The following PAK1 variants were observed in gnomAD, a reference collection of about 807,000 sequenced individuals.
PAK1 encodes serine/threonine-protein kinase PAK 1.
PAK1 carries 29 observed loss-of-function variants against 67.4 expected under a neutral mutation model. That is an observed-to-expected ratio of 0.43 (90% CI 0.32 to 0.59). The LOEUF is 0.59. PAK1 is among the 20% of genes least tolerant of loss of function. The pLI, the probability that PAK1 is intolerant of heterozygous loss-of-function variation, is 0.07. For synonymous variants in PAK1, 223 were observed against 237.4 expected, an observed-to-expected ratio of 0.94 and a Z score of 0.56; for missense variants, 337 against 670.7, an observed-to-expected ratio of 0.50 and a Z score of 5.50.
At chr11:77,356,768 G>GC (rs1040762271) in intron 6 of PAK1, among the ~76,000 whole-genome samples, 7 of 152,004 alleles carry the variant, frequency 4.6e-5, no homozygotes, top group Admixed American at 2.0e-4. Context: ...ACAAAATGCT[G>GC]CCCCAACCTC....
the PAK1 span, among the ~76,000 whole-genome samples, chr11:77,494,285 G>A: frequency 1.1e-3 from 162 of 152,296 alleles, no homozygotes; most frequent in Non-Finnish European, 1.9e-3. Context: ...ATACTATGCA[G>A]GCATTAAAGG....
chr11:77,368,664 AT>A (rs199502449), intron 5 of PAK1, among the ~76,000 whole-genome samples: 5 of 142,502 alleles, frequency 3.5e-5, no homozygotes, highest in Non-Finnish European at 7.9e-5. Flanking sequence ...TTTTTTATTT[AT>A]TTTTTTTTTG....
intron 1 of PAK1, among the ~76,000 whole-genome samples, chr11:77,426,269 AAGGTT>A (rs1379919484): frequency 1.3e-5 from 2 of 151,994 alleles, no homozygotes; most frequent in Non-Finnish European, 2.9e-5. Flanking sequence ...TCACAATATG[AAGGTT>A]ATATAAGATA....
At chr11:77,489,794 C>G in the PAK1 span, among the ~76,000 whole-genome samples, 1 of 151,962 alleles carries the variant, frequency 6.6e-6, no homozygotes, top group African/African-American at 2.4e-5. Context: ...GATCTCGGCT[C>G]GCTACAACCT....
the PAK1 span, among the ~76,000 whole-genome samples, chr11:77,513,187 A>C: frequency 6.6e-6 from 1 of 152,172 alleles, no homozygotes; most frequent in African/African-American, 2.4e-5. Flanking sequence ...GCTGAGTCAA[A>C]TCCTTTATGC....
At chr11:77,446,528 A>G (rs1956615450) in intron 1 of PAK1, among the ~76,000 whole-genome samples, 2 of 151,456 alleles carry the variant, frequency 1.3e-5, no homozygotes, top group South Asian at 4.2e-4. Context: ...AAAAAAAAAA[A>G]AAAAAAGAAA....
intron 5 of PAK1, among the ~76,000 whole-genome samples, chr11:77,367,512 C>T (rs1248052738): frequency 1.3e-5 from 2 of 151,762 alleles, no homozygotes; most frequent in East Asian, 1.9e-4. Flanking sequence ...AACAAGAATG[C>T]TATATATTTT....
the PAK1 span, among the ~76,000 whole-genome samples, chr11:77,490,653 C>T: frequency 4.6e-5 from 7 of 152,300 alleles, no homozygotes; most frequent in Non-Finnish European, 1.0e-4. Flanking sequence ...TGAGAACGGG[C>T]CAGGATGACA....
At chr11:77,521,546 G>A in the PAK1 span, among the ~76,000 whole-genome samples, 2 of 151,956 alleles carry the variant, frequency 1.3e-5, no homozygotes, top group African/African-American at 4.8e-5. Flanking sequence ...AAAAAAATGT[G>A]TCAGGAGGCG....
the PAK1 span, among the ~76,000 whole-genome samples, chr11:77,515,730 CT>C: frequency 6.6e-6 from 1 of 152,148 alleles, no homozygotes; most frequent in Non-Finnish European, 1.5e-5. Flanking sequence ...AAATAACATC[CT>C]TTTTTTACTC....
chr11:77,412,327 C>A (rs1338142608), intron 1 of PAK1, among the ~76,000 whole-genome samples: 2 of 152,128 alleles, frequency 1.3e-5, no homozygotes, highest in Non-Finnish European at 2.9e-5. Context: ...CACCTCCCCC[C>A]TCCCCAAACG....
At position 77,343,352 on chromosome 11, in the gene PAK1, A is replaced by G. The variant is rs1943927063; in HGVS notation, c.998+467T>C. Among the ~76,000 whole-genome samples the G allele has an allele frequency of 2.6e-5, 4 of 152,248 alleles. No homozygotes were observed. In the South Asian group the frequency reaches 8.3e-4, roughly 32 times the overall value. On this transcript the variant is annotated intron_variant, in intron 10 of 14. Transcript: ENST00000356341. Reference sequence around the variant, plus strand: ...AACCTAAAAGATAAAACAAGAATGAAATCATTAAGCTGTGTTGAGTTTAGA... The same window carrying G: ...AACCTAAAAGATAAAACAAGAATGAGATCATTAAGCTGTGTTGAGTTTAGA...
intron 1 of PAK1, among the ~76,000 whole-genome samples, chr11:77,421,825 T>C (rs1955278718): frequency 6.6e-6 from 1 of 152,190 alleles, no homozygotes; most frequent in Non-Finnish European, 1.5e-5. Context: ...AAATGGAGAA[T>C]TCTATAAGAA....
chr11:77,413,098 A>C (rs1403860795), intron 1 of PAK1, among the ~76,000 whole-genome samples: 11 of 152,240 alleles, frequency 7.2e-5, no homozygotes, highest in Admixed American at 7.2e-4. Context: ...GACATGACAG[A>C]AGTCAGATTA....
Position 77,380,054 on chromosome 11 carries a change from T to C in PAK1, c.191-60A>G, listed in dbSNP as rs2137098670. ...AGGAACATTATTGTTTTTAGGCTTA[T>C]TTTAGCTCTTTATTGAGCTGTAGTC... On this transcript the variant is annotated intron_variant, in intron 2 of 14. Transcript: ENST00000356341. 21 of 1,298,454 alleles carry C rather than the reference T, an allele frequency of 1.6e-5. No homozygotes were observed. In the South Asian group the frequency reaches 2.3e-4, roughly 14 times the overall value. 80.4% of individuals were successfully genotyped at this position (1,298,454 alleles called of 1,614,324 possible). A position where few individuals can be genotyped will look rare whatever the true frequency, so the allele number is the denominator to read the frequency against.
chr11:77,324,788 G>C (rs371311725), intron 14 of PAK1, among the ~76,000 whole-genome samples: 7 of 148,046 alleles, frequency 4.7e-5, no homozygotes, highest in African/African-American at 1.9e-4. Flanking sequence ...GAGAGAGAGA[G>C]AGACAGAGAG....
chr11:77,427,119 C>T (rs761521710), intron 1 of PAK1, among the ~76,000 whole-genome samples: 1 of 152,160 alleles, frequency 6.6e-6, no homozygotes, highest in Non-Finnish European at 1.5e-5. Flanking sequence ...TCCCACACAG[C>T]TCCAAAAAGT....
intron 1 of PAK1, among the ~76,000 whole-genome samples, chr11:77,453,062 A>G (rs1165246662): frequency 1.3e-5 from 2 of 152,220 alleles, no homozygotes; most frequent in East Asian, 3.9e-4. Flanking sequence ...TGGGATATAT[A>G]AGATTTTGGA....
chr11:77,458,785 A>G (rs1166673380), intron 1 of PAK1, among the ~76,000 whole-genome samples: 9 of 152,208 alleles, frequency 5.9e-5, no homozygotes, highest in African/African-American at 1.7e-4. Context: ...AAAATTCAAG[A>G]AAGTTTGATG....
Sources: gnomAD v4.1 joint callset for allele counts (sites outside exome capture counted in the v4.1 genomes callset) on GRCh38, gnomAD v4.1.1 for gene constraint, MANE v1.5 for transcripts, NCBI Gene and HGNC (gene_info 2026-07-23, HGNC 2026-07-21) for gene names.